Variants in TSPAN9 observed in about 807,000 individuals in gnomAD.
The protein encoded by TSPAN9 is tetraspanin-9.
A neutral mutation model predicts 31.0 loss-of-function variants in TSPAN9; 16 were observed. The ratio of observed to expected loss-of-function variants is 0.52; its 90% CI spans 0.35 to 0.78. The LOEUF (loss-of-function observed/expected upper bound fraction) is 0.78. Among genes scored for constraint, TSPAN9 ranks in the 30% least tolerant of loss-of-function variants. The pLI is 0.01. For missense variants in TSPAN9, 272 were observed against 312.5 expected, an observed-to-expected ratio of 0.87 and a Z score of 0.98; for synonymous variants, 145 against 121.6, an observed-to-expected ratio of 1.19 and a Z score of -1.27.
Position 3,280,534 on chromosome 12 carries a change from C to A in TSPAN9, c.432+51C>A. On this transcript the variant is annotated intron_variant, in intron 6 of 8. Transcript: ENST00000011898. This position sits in a 1 kb window ranked among gnomAD's most constrained non-coding sequence, Gnocchi z 4.5. ...GCCAGGCAGGGAGGAGGGGTGGCGGCCGGTACTTCTAGCTGCCTTCCCCGG... is the reference window on the plus strand; with the variant it reads ...GCCAGGCAGGGAGGAGGGGTGGCGGACGGTACTTCTAGCTGCCTTCCCCGG... The A allele has an allele frequency of 6.5e-7, 1 of 1,544,174 alleles. No homozygotes were observed. Among genetic ancestry groups the A allele is most frequent in the East Asian group, 2.3e-5 (1 of 43,564 alleles).
chr12:3,126,123 C>T (rs917845045), intron 2 of TSPAN9, among the ~76,000 whole-genome samples: 3 of 152,188 alleles, frequency 2.0e-5, no homozygotes, highest in Non-Finnish European at 4.4e-5. Flanking sequence ...TAACCTTTTG[C>T]AGCTTCACTT....
intron 2 of TSPAN9, among the ~76,000 whole-genome samples, chr12:3,150,744 C>T (rs1347457191): frequency 6.6e-6 from 1 of 152,146 alleles, no homozygotes; most frequent in East Asian, 1.9e-4. Context: ...GTGCTGAGTT[C>T]CAGGCCCTGC....
intron 3 of TSPAN9, among the ~76,000 whole-genome samples, chr12:3,239,855 G>C (rs574722978): frequency 6.6e-6 from 1 of 152,192 alleles, no homozygotes; most frequent in African/African-American, 2.4e-5. Context: ...GAGGAAAACA[G>C]CTGGGGATGT....
intron 2 of TSPAN9, among the ~76,000 whole-genome samples, chr12:3,141,088 G>A (rs539795521): frequency 7.2e-5 from 11 of 152,034 alleles, no homozygotes; most frequent in Middle Eastern, 3.4e-3. Context: ...CGAGGACCAC[G>A]GGGCTTTGAG....
intron 3 of TSPAN9, among the ~76,000 whole-genome samples, chr12:3,266,774 G>A (rs1223818151): frequency 1.3e-5 from 2 of 152,192 alleles, no homozygotes; most frequent in Non-Finnish European, 2.9e-5. Context: ...AAATGCTGGC[G>A]TGGGTGGACG....
chr12:3,217,868 C>G (rs917303965), intron 3 of TSPAN9, among the ~76,000 whole-genome samples: 1 of 152,152 alleles, frequency 6.6e-6, no homozygotes, highest in East Asian at 1.9e-4. Flanking sequence ...CCTGTGTGTA[C>G]AGTACAGAGC....
intron 2 of TSPAN9, among the ~76,000 whole-genome samples, chr12:3,088,645 A>C (rs2098302038): frequency 6.6e-6 from 1 of 152,212 alleles, no homozygotes; most frequent in Non-Finnish European, 1.5e-5. Context: ...ACTGGAGACC[A>C]TGCAATTCAG....
intron 2 of TSPAN9, among the ~76,000 whole-genome samples, chr12:3,174,292 C>T (rs2098353787): frequency 6.6e-6 from 1 of 152,150 alleles, no homozygotes; most frequent in African/African-American, 2.4e-5. Context: ...GTCTCAAACT[C>T]CTGGCCTCAA....
chr12:3,080,644 A>C (rs1384388394), intron 1 of TSPAN9, among the ~76,000 whole-genome samples: 1 of 152,180 alleles, frequency 6.6e-6, no homozygotes, highest in Non-Finnish European at 1.5e-5. Flanking sequence ...CAAATGTAAA[A>C]TCTTAAGTGT....
intron 3 of TSPAN9, among the ~76,000 whole-genome samples, chr12:3,251,849 C>G (rs912998621): frequency 6.6e-6 from 1 of 152,118 alleles, no homozygotes; most frequent in Non-Finnish European, 1.5e-5. Context: ...CCCAGGGAGC[C>G]CCTAGTGTAG....
intron 3 of TSPAN9, among the ~76,000 whole-genome samples, chr12:3,204,548 G>A (rs1333973856): frequency 6.6e-6 from 1 of 152,138 alleles, no homozygotes; most frequent in Non-Finnish European, 1.5e-5. Flanking sequence ...CTGACACTGC[G>A]ACTTCAACCA....
chr12:3,238,318 G>A (rs371707047), intron 3 of TSPAN9, among the ~76,000 whole-genome samples: 3 of 152,316 alleles, frequency 2.0e-5, no homozygotes, highest in East Asian at 1.9e-4. Context: ...GGCATGACAG[G>A]CGCCCTCCCT....
intron 3 of TSPAN9, among the ~76,000 whole-genome samples, chr12:3,213,746 A>T (rs906438516): frequency 6.6e-6 from 1 of 152,134 alleles, no homozygotes; most frequent in Non-Finnish European, 1.5e-5. Context: ...GGTCTTACTC[A>T]GGAGCTGTGG....
chr12:3,178,596 A>C (rs536305336), intron 2 of TSPAN9, among the ~76,000 whole-genome samples: 1 of 152,268 alleles, frequency 6.6e-6, no homozygotes, highest in African/African-American at 2.4e-5. Context: ...CTGCCAGATG[A>C]AGGGGTTTCT....
chr12:3,190,325 G>A (rs758624), intron 2 of TSPAN9, among the ~76,000 whole-genome samples: 150,745 of 152,346 alleles, frequency 0.99, 74,610 homozygotes, highest in Middle Eastern at 1. Flanking sequence ...GTAATAAGTC[G>A]CAGGCTTCAT....
chr12:3,099,967 G>A (rs2098311061), intron 2 of TSPAN9, among the ~76,000 whole-genome samples: 1 of 150,912 alleles, frequency 6.6e-6, no homozygotes, highest in African/African-American at 2.4e-5. Flanking sequence ...TCAGCCTCCC[G>A]AGTTGCTGGG....
intron 1 of TSPAN9, among the ~76,000 whole-genome samples, chr12:3,081,844 G>GTGTGTATATA (rs57812985): frequency 5.3e-4 from 62 of 116,766 alleles, no homozygotes; most frequent in Middle Eastern, 4.7e-3. Context: ...GTCTGTGTGT[G>GTGTGTATATA]TATATATATG....
intron 2 of TSPAN9, among the ~76,000 whole-genome samples, chr12:3,108,708 A>G (rs189585560): frequency 1.6e-3 from 248 of 152,226 alleles, no homozygotes; most frequent in Middle Eastern, 3.4e-3. Flanking sequence ...TGGTCTTACA[A>G]TTTTATTTTC....
chr12:3,278,629 TC>T lies in TSPAN9; in HGVS notation c.255+21del, dbSNP rs755103642. 1.5e-5 allele frequency: 24 copies of T among 1,606,460 alleles called. No individual in the cohort carries two copies. Among genetic ancestry groups the T allele is most frequent in the Non-Finnish European group, 2.0e-5 (23 of 1,174,888 alleles). Reference sequence around the variant, plus strand: ...CTCCTCAGCGTAAGTTCTGTCCAAATCCCCAGCCCCTCCAACTCCTGATCTC... The same window carrying T: ...CTCCTCAGCGTAAGTTCTGTCCAAATCCCAGCCCCTCCAACTCCTGATCTC... On this transcript the variant is annotated intron_variant, in intron 4 of 8. Transcript: ENST00000011898.
Sources: allele counts gnomAD v4.1 joint callset (sites outside exome capture counted in the v4.1 genomes callset), GRCh38; gene constraint gnomAD v4.1.1; non-coding constraint Gnocchi (gnomAD v3.1); transcripts MANE v1.5; gene names NCBI Gene and HGNC (gene_info 2026-07-23, HGNC 2026-07-21).